AKAP6: variants seen among roughly 807,000 people sequenced by gnomAD.
The protein encoded by AKAP6 is A-kinase anchor protein 6.
AKAP6 carries 58 observed loss-of-function variants against 188.5 expected under a neutral mutation model. The ratio of observed to expected loss-of-function variants is 0.31; its 90% CI spans 0.25 to 0.38. AKAP6 has a LOEUF of 0.38. AKAP6 is among the 10% of genes least tolerant of loss of function. The pLI is 1.00. For synonymous variants in AKAP6, 989 were observed against 998.6 expected, an observed-to-expected ratio of 0.99 and a Z score of 0.18; for missense variants, 2,710 against 2,740.0, an observed-to-expected ratio of 0.99 and a Z score of 0.24.
At position 32,577,234 on chromosome 14, in the gene AKAP6, A is replaced by G. The variant is rs772793905; in HGVS notation, c.2461A>G (p.Thr821Ala). 1.2e-6 allele frequency: 2 copies of G among 1,609,572 alleles called. No individual in the cohort carries two copies. The highest frequency in any genetic ancestry group is 2.7e-5 in the African/African-American group (2 of 74,694). ...EMDDLKLYLETHLSFKLNVDS... is the reference protein window; with the variant it reads ...EMDDLKLYLEAHLSFKLNVDS... ...GGATGACCTTAAACTGTATCTGGAG[A>G]CACACTTGGTAGGCAAGATTGTGTT... The change falls in exon 5 of 14, where the codon ACA (threonine) becomes GCA (alanine). Residue 821 changes from threonine (T) to alanine (A), a missense_variant. This residue lies in a region of AKAP6 where 2,473 missense variants were observed against 2,426.1 expected (regional missense o/e 1.02). Coordinates refer to ENST00000280979, the MANE Select transcript of AKAP6 (RefSeq NM_004274.5).
rs71432079 is a variant in AKAP6, at chr14:32,724,990, TAAAAAAAAAAAAAA to T, written c.3001-7450_3001-7437del. Among the ~76,000 whole-genome samples, 44 of 34,914 alleles carry T rather than the reference TAAAAAAAAAAAAAA, an allele frequency of 1.3e-3. No individual in the cohort carries two copies. The East Asian group carries it at 0.028, about 22-fold the overall frequency. The allele number at this position is 34,914 out of a possible 152,430, so 22.9% of individuals were successfully genotyped here. On this transcript the variant is annotated intron_variant, in intron 9 of 13. Coordinates refer to ENST00000280979, the MANE Select transcript of AKAP6 (RefSeq NM_004274.5). ...GGCTTTGTGTCATTTATATTCAACC[TAAAAAAAAAAAAAA>T]AAAAAAAAAAAAACAATTTTCCTGA...
At chr14:32,402,712 T>TGTTG (rs1178247983) in intron 1 of AKAP6, among the ~76,000 whole-genome samples, 1 of 151,108 alleles carries the variant, frequency 6.6e-6, no homozygotes, top group Non-Finnish European at 1.5e-5. Context: ...GCTCAATAAA[T>TGTTG]GTTGGTTGGT....
Position 32,546,610 on chromosome 14 carries a change from C to T in AKAP6, c.1957C>T (p.Leu653Phe), listed in dbSNP as rs780751023. 6.2e-7 allele frequency: 1 copy of T among 1,614,172 alleles called. No individual in the cohort carries two copies. The highest frequency in any genetic ancestry group is 1.7e-5 in the Admixed American group (1 of 60,016). The change falls in exon 4 of 14, where the codon CTT becomes TTT. Residue 653 changes from leucine to phenylalanine, a missense_variant. Leu to Phe is a conservative substitution (Grantham distance 22, BLOSUM62 0). Around this residue, in one of 2 missense-constraint regions of AKAP6, gnomAD observed 2,473 missense variants for 2,426.1 expected, o/e 1.02. Transcript: ENST00000280979. The stretch of plus-strand genomic sequence containing the variant: ...TTTGAAGTTGGAAAACCTAACAAAG[C>T]TTCTGCCTCAGAAACCCAGAGGAGA... ...LALKLENLTK[L>F]LPQKPRGETI...
chr14:32,389,977 A>G (rs1363715028), intron 1 of AKAP6, among the ~76,000 whole-genome samples: 1 of 152,074 alleles, frequency 6.6e-6, no homozygotes, highest in Non-Finnish European at 1.5e-5. Flanking sequence ...TCTCAGGAAC[A>G]TCAATTATTC....
intron 2 of AKAP6, among the ~76,000 whole-genome samples, chr14:32,497,799 A>C (rs1880402524): frequency 6.6e-6 from 1 of 151,964 alleles, no homozygotes; most frequent in Non-Finnish European, 1.5e-5. Context: ...AGTTTTTGCT[A>C]TATGTATTTT....
chr14:32,733,006 A>C (rs2031254315), intron 10 of AKAP6: 1 of 253,258 alleles, frequency 3.9e-6, no homozygotes, highest in African/African-American at 2.2e-5. Flanking sequence ...TACCCTTAAG[A>C]TGAAAAGTGG....
At chr14:32,800,165 CAT>C (rs1177849380) in intron 12 of AKAP6, among the ~76,000 whole-genome samples, 1 of 143,418 alleles carries the variant, frequency 7.0e-6, no homozygotes, top group East Asian at 2.0e-4. Flanking sequence ...TATATATACA[CAT>C]ATATATACAT....
intron 7 of AKAP6, among the ~76,000 whole-genome samples, chr14:32,638,964 T>C (rs1248250253): frequency 6.6e-6 from 1 of 152,084 alleles, no homozygotes; most frequent in Non-Finnish European, 1.5e-5. Context: ...TGAATTAGTG[T>C]GTTTTAGTGG....
intron 13 of AKAP6, among the ~76,000 whole-genome samples, chr14:32,826,785 A>G (rs778982938): frequency 6.6e-6 from 1 of 152,136 alleles, no homozygotes; most frequent in Admixed American, 6.5e-5. Context: ...TAACCCTCAC[A>G]TTTTACAAGC....
intron 7 of AKAP6, among the ~76,000 whole-genome samples, chr14:32,634,967 G>T (rs775527850): frequency 1.3e-5 from 2 of 151,666 alleles, no homozygotes; most frequent in African/African-American, 2.4e-5. Context: ...CTTTAGCGGC[G>T]CTTTCTGAGA....
chr14:32,739,138 G>A (rs994299591), intron 11 of AKAP6, among the ~76,000 whole-genome samples: 1 of 152,034 alleles, frequency 6.6e-6, no homozygotes, highest in Non-Finnish European at 1.5e-5. Context: ...CTTTCTAAAT[G>A]TTTTACCTGC....
At chr14:32,411,243 T>A (rs1000594170) in intron 1 of AKAP6, among the ~76,000 whole-genome samples, 1 of 152,088 alleles carries the variant, frequency 6.6e-6, no homozygotes, top group East Asian at 2.0e-4. Flanking sequence ...ATGTCGAAAG[T>A]GCCAAGATTG....
intron 9 of AKAP6, among the ~76,000 whole-genome samples, chr14:32,697,026 A>G (rs1890432099): frequency 6.6e-6 from 1 of 152,202 alleles, no homozygotes; most frequent in East Asian, 1.9e-4. Flanking sequence ...CCACAGAATC[A>G]GCAACAGTAT....
chr14:32,527,885 C>T (rs1882211432), intron 2 of AKAP6, among the ~76,000 whole-genome samples: 2 of 152,004 alleles, frequency 1.3e-5, no homozygotes, highest in Admixed American at 1.3e-4. Flanking sequence ...ATATTTTCTC[C>T]CAGTCTGTGG....
intron 11 of AKAP6, among the ~76,000 whole-genome samples, chr14:32,771,116 G>A (rs988017457): frequency 4.0e-5 from 6 of 151,898 alleles, no homozygotes; most frequent in South Asian, 2.1e-4. Flanking sequence ...TTTTGATTAC[G>A]AATGCATATG....
intron 7 of AKAP6, among the ~76,000 whole-genome samples, chr14:32,663,591 TAGG>T (rs1555350123): frequency 1.3e-5 from 2 of 151,968 alleles, no homozygotes; most frequent in Non-Finnish European, 2.9e-5. Context: ...ATGAAGAAGA[TAGG>T]AGGAGAATTC....
chr14:32,645,299 G>A (rs1321345830), intron 7 of AKAP6, among the ~76,000 whole-genome samples: 1 of 152,112 alleles, frequency 6.6e-6, no homozygotes, highest in African/African-American at 2.4e-5. Context: ...TTTCAACCTC[G>A]AATATTTTAT....
At chr14:32,561,089 T>G (rs17099293) in intron 4 of AKAP6, among the ~76,000 whole-genome samples, 6,356 of 152,312 alleles carry the variant, frequency 0.042, 168 homozygotes, top group Admixed American at 0.075. Flanking sequence ...ATTTTAATTA[T>G]GAAAACTTGA....
chr14:32,723,557 T>TGTGTGTG (rs35237019), intron 9 of AKAP6, among the ~76,000 whole-genome samples: 3,297 of 141,142 alleles, frequency 0.023, 62 homozygotes, highest in South Asian at 0.076. Flanking sequence ...GCGTATGTGT[T>TGTGTGTG]TATGTGTGTG....
Sources: allele counts gnomAD v4.1 joint callset (sites outside exome capture counted in the v4.1 genomes callset), GRCh38; gene constraint gnomAD v4.1.1; regional missense constraint gnomAD v4.1.1; transcripts MANE v1.5; gene names NCBI Gene and HGNC (gene_info 2026-07-23, HGNC 2026-07-21).